Variants in KLF12 observed in about 807,000 individuals in gnomAD.
The protein encoded by KLF12 is Krueppel-like factor 12.
In KLF12, 9 loss-of-function variants were observed where a neutral mutation model predicts 37.8. That is an observed-to-expected ratio of 0.24 (90% CI 0.14 to 0.42). KLF12 has a LOEUF of 0.42. Among genes scored for constraint, KLF12 ranks in the 10% least tolerant of loss-of-function variants. KLF12 has a pLI of 1.00. For missense variants in KLF12, 411 were observed against 516.0 expected (o/e 0.80, Z 1.97); for synonymous variants, 208 against 202.1 (o/e 1.03, Z -0.25).
chr13:73,999,632 C>T lies in KLF12; in HGVS notation c.-31-4579G>A, dbSNP rs532661508. Among the ~76,000 whole-genome samples, 12 of 152,056 alleles carry T rather than the reference C, an allele frequency of 7.9e-5. No individual in the cohort carries two copies. In the South Asian group the frequency reaches 2.5e-3, roughly 32 times the overall value. ...GCGGGCGCCTGTAGTCCCAGCTACT[C>T]TGGAGGCTGAGGCAGGAGAATGGTG... is the stretch of plus-strand genomic sequence containing the variant. On this transcript the variant is annotated intron_variant, in intron 1 of 7. Coordinates refer to ENST00000377669, the MANE Select transcript of KLF12 (RefSeq NM_007249.5).
chr13:73,840,121 A>T (rs184898195), intron 4 of KLF12, among the ~76,000 whole-genome samples: 1 of 152,240 alleles, frequency 6.6e-6, no homozygotes, highest in African/African-American at 2.4e-5. Flanking sequence ...CTCCCTCGCC[A>T]AATGCACAAT....
At chr13:74,208,232 G>GATCAA in the KLF12 span, among the ~76,000 whole-genome samples, 1 of 152,122 alleles carries the variant, frequency 6.6e-6, no homozygotes, top group East Asian at 1.9e-4. Context: ...TTGAAGAGGT[G>GATCAA]ATCTCTTCTC....
chr13:74,067,726 G>A (rs961818561), intron 1 of KLF12, among the ~76,000 whole-genome samples: 11 of 152,160 alleles, frequency 7.2e-5, no homozygotes, highest in Admixed American at 4.6e-4. Context: ...TTTTGCCATG[G>A]TGAAAGCAGT....
chr13:74,282,674 T>C, the KLF12 span, among the ~76,000 whole-genome samples: 3 of 152,040 alleles, frequency 2.0e-5, no homozygotes, highest in Non-Finnish European at 4.4e-5. Flanking sequence ...AATAATAACT[T>C]CAGGGAAGAA....
chr13:73,871,465 A>G (rs1302859110), intron 3 of KLF12, among the ~76,000 whole-genome samples: 1 of 152,240 alleles, frequency 6.6e-6, no homozygotes, highest in Non-Finnish European at 1.5e-5. Flanking sequence ...TGAAAGAGAA[A>G]AAGGAATGTA....
the KLF12 span, among the ~76,000 whole-genome samples, chr13:74,164,773 G>C: frequency 1.3e-5 from 2 of 152,180 alleles, no homozygotes; most frequent in Non-Finnish European, 2.9e-5. Context: ...AGTGGAACTG[G>C]AGGATATTAT....
chr13:73,720,218 G>A (rs1270402712), intron 6 of KLF12, among the ~76,000 whole-genome samples: 1 of 152,108 alleles, frequency 6.6e-6, no homozygotes, highest in East Asian at 1.9e-4. Context: ...ATAAGAAGGG[G>A]TGTTAGGTAA....
chr13:74,038,719 C>T (rs1030871787), intron 1 of KLF12, among the ~76,000 whole-genome samples: 1 of 152,046 alleles, frequency 6.6e-6, no homozygotes, highest in Non-Finnish European at 1.5e-5. Context: ...AACTTCAGGA[C>T]AAAGAAATGT....
At chr13:74,182,637 AG>A in the KLF12 span, among the ~76,000 whole-genome samples, 1 of 152,238 alleles carries the variant, frequency 6.6e-6, no homozygotes, top group African/African-American at 2.4e-5. Flanking sequence ...TGCAGAAGAA[AG>A]AAGAGCAATC....
chr13:74,271,206 C>A, the KLF12 span, among the ~76,000 whole-genome samples: 3 of 152,184 alleles, frequency 2.0e-5, no homozygotes, highest in Non-Finnish European at 2.9e-5. Flanking sequence ...CCTCCCACCC[C>A]ATCTGTGGAA....
chr13:74,125,166 TACACACACAC>T (rs374663142), intron 1 of KLF12, among the ~76,000 whole-genome samples: 4 of 138,804 alleles, frequency 2.9e-5, no homozygotes, highest in Admixed American at 7.5e-5. Context: ...TATATATATA[TACACACACAC>T]ACACACACAC....
rs906352118 is a variant in KLF12 at position 73,897,272 on chromosome 13, C to T, written c.123+46709G>A. Among the ~76,000 whole-genome samples the T allele has an allele frequency of 2.6e-5, 4 of 152,162 alleles. No homozygotes were observed. The East Asian group carries it at 7.7e-4, about 29-fold the overall frequency. ...AACACACTACAGCTCAGTATGAGTG[C>T]TGTTTCCTTATTTTTATTTTGAATG... On this transcript the variant is annotated intron_variant, in intron 3 of 7. Coordinates refer to ENST00000377669, the MANE Select transcript of KLF12 (RefSeq NM_007249.5).
intron 2 of KLF12, among the ~76,000 whole-genome samples, chr13:73,961,249 A>G (rs180684867): frequency 6.6e-6 from 1 of 152,304 alleles, no homozygotes; most frequent in Admixed American, 6.5e-5. Flanking sequence ...CTCACTAACA[A>G]TGCATTTTTG....
the KLF12 span, among the ~76,000 whole-genome samples, chr13:74,141,519 G>A: frequency 6.6e-6 from 1 of 152,110 alleles, no homozygotes; most frequent in South Asian, 2.1e-4. Context: ...GCCAGTTAAA[G>A]ATACATATTT....
the KLF12 span, among the ~76,000 whole-genome samples, chr13:74,140,255 G>A: frequency 1.3e-5 from 2 of 152,132 alleles, no homozygotes; most frequent in African/African-American, 2.4e-5. Context: ...AGCTGCAATG[G>A]CTCACACTTA....
chr13:74,027,321 CT>C, intron 1 of KLF12, among the ~76,000 whole-genome samples: 1 of 152,290 alleles, frequency 6.6e-6, no homozygotes, highest in East Asian at 1.9e-4. Flanking sequence ...ACACTTCCCC[CT>C]CTCCCTTTTT....
chr13:73,970,265 T>C (rs1004733351), intron 2 of KLF12, among the ~76,000 whole-genome samples: 1 of 152,156 alleles, frequency 6.6e-6, no homozygotes, highest in Non-Finnish European at 1.5e-5. Context: ...TACTATAATC[T>C]ACTTAAGTTT....
upstream of KLF12, among the ~76,000 whole-genome samples, chr13:74,135,307 CCCCGCGGGG>C (rs1878504506): frequency 6.6e-6 from 1 of 151,864 alleles, no homozygotes; most frequent in South Asian, 2.1e-4. Flanking sequence ...ATCTGCAGAC[CCCCGCGGGG>C]CCCGGGGGCG....
At chr13:74,077,161 A>C (rs1430581799) in intron 1 of KLF12, among the ~76,000 whole-genome samples, 1 of 152,160 alleles carries the variant, frequency 6.6e-6, no homozygotes, top group Non-Finnish European at 1.5e-5. Context: ...GGTATATATA[A>C]CCAGTAATCA....
Sources: gnomAD v4.1 joint callset for allele counts (sites outside exome capture counted in the v4.1 genomes callset) on GRCh38, gnomAD v4.1.1 for gene constraint, MANE v1.5 for transcripts, NCBI Gene and HGNC (gene_info 2026-07-23, HGNC 2026-07-21) for gene names.